The following WWC2 variants were observed in gnomAD, a reference collection of about 807,000 sequenced individuals.
The protein encoded by WWC2 is protein WWC2.
A neutral mutation model predicts 138.5 loss-of-function variants in WWC2; 101 were observed. The ratio of observed to expected loss-of-function variants is 0.73; its 90% CI spans 0.62 to 0.86. The LOEUF (loss-of-function observed/expected upper bound fraction) is 0.86. Ranked by LOEUF, WWC2 falls within the 40% of genes least tolerant of loss-of-function variation. The pLI is 0.00. For synonymous variants in WWC2, 558 were observed against 538.4 expected (o/e 1.04, Z -0.50); for missense variants, 1,420 against 1,419.4 (o/e 1.00, Z -0.01).
At chr4:183,156,392 G>C (rs1364934011) in intron 1 of WWC2, among the ~76,000 whole-genome samples, 3 of 141,958 alleles carry the variant, frequency 2.1e-5, no homozygotes, top group Non-Finnish European at 4.5e-5. Context: ...CTGTAGTGCA[G>C]TGGCACAATC....
chr4:183,214,719 G>A (rs544518224), intron 4 of WWC2, among the ~76,000 whole-genome samples: 86 of 152,024 alleles, frequency 5.7e-4, no homozygotes, highest in African/African-American at 2.1e-3. Context: ...TTGAACGTGG[G>A]AGGTGGAGGT....
intron 9 of WWC2, among the ~76,000 whole-genome samples, chr4:183,258,981 A>C (rs574877110): frequency 3.3e-5 from 5 of 152,254 alleles, no homozygotes; most frequent in African/African-American, 9.6e-5. Flanking sequence ...AAAAAAGAAA[A>C]ACTTTTGCAG....
At position 183,319,440 on chromosome 4, in the gene WWC2, G is replaced by T; in HGVS notation, c.*3711G>T. ...AAGAAACTATAGTTTAATAGCCACA[G>T]GAAAAGATGCATTTTCAAAAATCAA... On this transcript the variant is annotated 3_prime_UTR_variant, in exon 23 of 23. Coordinates refer to ENST00000403733, the MANE Select transcript of WWC2 (RefSeq NM_024949.6). 8.9e-7 allele frequency: 1 copy of T among 1,124,316 alleles called. No individual in the cohort carries two copies. Among genetic ancestry groups the T allele is most frequent in the Non-Finnish European group, 1.3e-6 (1 of 784,418 alleles). 69.6% of individuals were successfully genotyped at this position (1,124,316 alleles called of 1,614,324 possible). A position where few individuals can be genotyped will look rare whatever the true frequency, so the allele number is the denominator to read the frequency against.
chr4:183,256,759 A>C (rs917307555), intron 9 of WWC2, among the ~76,000 whole-genome samples: 2 of 151,648 alleles, frequency 1.3e-5, no homozygotes, highest in Non-Finnish European at 2.9e-5. Flanking sequence ...CCTGTTTTCC[A>C]CTTATATTTG....
At position 183,150,591 on chromosome 4, in the gene WWC2, A is replaced by G. The variant is rs530080186; in HGVS notation, c.132-43008A>G. On this transcript the variant is annotated intron_variant, in intron 1 of 22. Transcript: ENST00000403733. ...TTAAGTTCTGGGGTACATGTGCACA[A>G]CATGCAGGGTTGTGTGCTGTGTTGG... Among the ~76,000 whole-genome samples, 9 of 152,282 alleles carry G rather than the reference A, an allele frequency of 5.9e-5. No individual in the cohort carries two copies. The East Asian group carries it at 9.7e-4, about 16-fold the overall frequency.
At chr4:183,228,356 A>G (rs571233302) in intron 4 of WWC2, among the ~76,000 whole-genome samples, 2 of 152,124 alleles carry the variant, frequency 1.3e-5, no homozygotes, top group Non-Finnish European at 2.9e-5. Flanking sequence ...TTGGTATTTG[A>G]TAGATCAAGC....
intron 21 of WWC2, among the ~76,000 whole-genome samples, chr4:183,304,805 G>C (rs1738970389): frequency 6.6e-6 from 1 of 152,190 alleles, no homozygotes. Flanking sequence ...ACTAAAGGCT[G>C]TTTGCCAGAA....
chr4:183,208,313 A>G lies in WWC2; in HGVS notation c.445+157A>G, dbSNP rs554772940. 1.3e-4 allele frequency among the ~76,000 whole-genome samples: 20 copies of G among 152,204 alleles called. 1 individual carries two copies. In the East Asian group the frequency reaches 3.1e-3, roughly 24 times the overall value. ...ATTGAGAGGTGAGGGCACACCCCAGATTTTCTCACCCCTACTTCAGATAAA... is the reference window on the plus strand; with the variant it reads ...ATTGAGAGGTGAGGGCACACCCCAGGTTTTCTCACCCCTACTTCAGATAAA... On this transcript the variant is annotated intron_variant, in intron 3 of 22. Transcript: ENST00000403733.
At chr4:183,246,054 C>T (rs986230588) in intron 6 of WWC2, among the ~76,000 whole-genome samples, 1 of 152,148 alleles carries the variant, frequency 6.6e-6, no homozygotes, top group Admixed American at 6.5e-5. Context: ...CTGGGGGATG[C>T]CTATACAGTT....
intron 1 of WWC2, among the ~76,000 whole-genome samples, chr4:183,139,893 A>G (rs965468275): frequency 6.6e-6 from 1 of 151,990 alleles, no homozygotes; most frequent in African/African-American, 2.4e-5. Context: ...GCTCACTGCA[A>G]CCTCCATCTC....
chr4:183,164,320 CAT>C (rs1178445649), intron 1 of WWC2, among the ~76,000 whole-genome samples: 10 of 518 alleles, frequency 0.019, no homozygotes, highest in African/African-American at 0.043. Flanking sequence ...ATTATATATA[CAT>C]ATATATATAT....
At chr4:183,153,070 A>T (rs997789181) in intron 1 of WWC2, among the ~76,000 whole-genome samples, 8 of 151,968 alleles carry the variant, frequency 5.3e-5, no homozygotes, top group South Asian at 2.1e-4. Context: ...TAATTAAAAA[A>T]ATATATATAG....
chr4:183,264,193 C>G (rs1400049428), intron 11 of WWC2, among the ~76,000 whole-genome samples: 1 of 152,210 alleles, frequency 6.6e-6, no homozygotes, highest in Admixed American at 6.5e-5. Flanking sequence ...AGCCTTAAAA[C>G]TTAAACATCT....
chr4:183,147,552 A>G (rs760680843), intron 1 of WWC2, among the ~76,000 whole-genome samples: 2 of 152,244 alleles, frequency 1.3e-5, no homozygotes, highest in Admixed American at 6.5e-5. Flanking sequence ...AGTTACACCA[A>G]GTGAATTTCA....
Position 183,207,933 on chromosome 4 carries a change from C to T in WWC2, c.242-20C>T, listed in dbSNP as rs114607841. 23,815 of 1,582,142 alleles carry T rather than the reference C, an allele frequency of 0.015. 210 individuals carry two copies. The highest frequency in any genetic ancestry group is 0.018 in the Non-Finnish European group (20,590 of 1,165,112). On this transcript the variant is annotated intron_variant, in intron 2 of 22. Transcript: ENST00000403733. Reference sequence around the variant, plus strand: ...AACAAAGTTAAATTCTAAAAAGTACCCTCCACCTAATGTTTTCAGAAACCA... The same window carrying T: ...AACAAAGTTAAATTCTAAAAAGTACTCTCCACCTAATGTTTTCAGAAACCA...
rs536176630 is a variant in WWC2 at position 183,228,882 on chromosome 4, A to G, written c.523-11301A>G. Reference sequence around the variant, plus strand: ...GCATTGTGTATGGTCATGCAGTAGAAGCTCATCTAGCAATGCAAATCAACG... The same window carrying G: ...GCATTGTGTATGGTCATGCAGTAGAGGCTCATCTAGCAATGCAAATCAACG... On this transcript the variant is annotated intron_variant, in intron 4 of 22. Transcript: ENST00000403733. 5.0e-4 allele frequency among the ~76,000 whole-genome samples: 76 copies of G among 152,090 alleles called. 1 individual carries two copies. Among genetic ancestry groups the G allele is most frequent in the Non-Finnish European group, 9.0e-4 (61 of 68,046 alleles).
At chr4:183,253,068 A>G (rs1237241729) in intron 8 of WWC2, among the ~76,000 whole-genome samples, 1 of 152,112 alleles carries the variant, frequency 6.6e-6, no homozygotes, top group Non-Finnish European at 1.5e-5. Flanking sequence ...TTTGGTAGAG[A>G]CAGGGTCTCG....
chr4:183,315,532 G>A (rs751273047), intron 22 of WWC2, 131 bp from the exon 23 acceptor site: 72 of 597,990 alleles, frequency 1.2e-4, no homozygotes, highest in African/African-American at 1.3e-4. Flanking sequence ...GGAGTTCTGC[G>A]TAAGGAAAAG....
intron 1 of WWC2, among the ~76,000 whole-genome samples, chr4:183,184,093 A>G (rs991488503): frequency 3.3e-5 from 5 of 152,180 alleles, no homozygotes; most frequent in Non-Finnish European, 5.9e-5. Context: ...TTAGTTTCAG[A>G]ACATTGTCAT....
Sources: gnomAD v4.1 joint callset for allele counts (sites outside exome capture counted in the v4.1 genomes callset) on GRCh38, gnomAD v4.1.1 for gene constraint, MANE v1.5 for transcripts, NCBI Gene and HGNC (gene_info 2026-07-23, HGNC 2026-07-21) for gene names.